TDRD9: variants seen among roughly 807,000 people sequenced by gnomAD.
TDRD9 encodes ATP-dependent RNA helicase TDRD9.
A neutral mutation model predicts 172.6 loss-of-function variants in TDRD9; 124 were observed. The ratio of observed to expected loss-of-function variants is 0.72; its 90% CI spans 0.62 to 0.83. The LOEUF (loss-of-function observed/expected upper bound fraction) is 0.83. Ranked by LOEUF, TDRD9 falls within the 40% of genes least tolerant of loss-of-function variation. The pLI is 0.00. For synonymous variants in TDRD9, 619 were observed against 617.1 expected, an observed-to-expected ratio of 1.00 and a Z score of -0.05; for missense variants, 1,479 against 1,714.1, an observed-to-expected ratio of 0.86 and a Z score of 2.42.
intron 35 of TDRD9, 81 bp from the exon 36 acceptor site, chr14:104,051,900 C>T: frequency 1.2e-6 from 1 of 816,192 alleles, no homozygotes; most frequent in Non-Finnish European, 2.0e-6. Flanking sequence ...TTTGTGCATC[C>T]TGGATGTTAA....
intron 1 of TDRD9, among the ~76,000 whole-genome samples, chr14:103,947,804 C>T (rs1362531008): frequency 6.6e-6 from 1 of 152,124 alleles, no homozygotes; most frequent in Non-Finnish European, 1.5e-5. Flanking sequence ...AACTTCACAT[C>T]GTATGTGGCA....
intron 9 of TDRD9, among the ~76,000 whole-genome samples, chr14:103,993,546 G>C (rs949652033): frequency 6.6e-6 from 1 of 152,148 alleles, no homozygotes; most frequent in African/African-American, 2.4e-5. Flanking sequence ...GTTCAAAATC[G>C]AGTTGTCAGC....
chr14:103,966,523 C>A (rs1431585008), intron 4 of TDRD9, among the ~76,000 whole-genome samples, 186 bp from the exon 5 acceptor site: 2 of 151,960 alleles, frequency 1.3e-5, no homozygotes, highest in Admixed American at 1.3e-4. Flanking sequence ...TGAGCCAACC[C>A]CTGCCGCCCT....
chr14:104,016,190 C>T, intron 22 of TDRD9, 102 bp downstream of exon 22: 1 of 821,720 alleles, frequency 1.2e-6, no homozygotes, highest in Non-Finnish European at 1.9e-6. Flanking sequence ...GAATTTTCCC[C>T]TGGCGTGAAT....
intron 1 of TDRD9, among the ~76,000 whole-genome samples, chr14:103,936,283 G>A (rs542259949): frequency 4.1e-4 from 62 of 152,194 alleles, no homozygotes; most frequent in Non-Finnish European, 4.4e-4. Flanking sequence ...GGAGACATGG[G>A]ATTTCACTAT....
At chr14:103,952,038 G>C (rs1406373305) in intron 1 of TDRD9, among the ~76,000 whole-genome samples, 1 of 150,448 alleles carries the variant, frequency 6.6e-6, no homozygotes, top group Non-Finnish European at 1.5e-5. Flanking sequence ...AAAGTGCTGG[G>C]ATTACCGGCG....
At chr14:104,028,970 G>A (rs2035203575) in intron 28 of TDRD9, among the ~76,000 whole-genome samples, 1 of 152,166 alleles carries the variant, frequency 6.6e-6, no homozygotes, top group Non-Finnish European at 1.5e-5. Context: ...TGGAGCCTTT[G>A]TTGAAAATCA....
At chr14:104,046,889 G>T (rs536755446) in intron 34 of TDRD9, among the ~76,000 whole-genome samples, 3 of 152,076 alleles carry the variant, frequency 2.0e-5, no homozygotes, top group Admixed American at 6.5e-5. Context: ...TTTGTGATCC[G>T]CCCACCTCGG....
chr14:103,993,904 T>C (rs952554214), intron 9 of TDRD9, among the ~76,000 whole-genome samples: 6 of 152,224 alleles, frequency 3.9e-5, no homozygotes, highest in Admixed American at 3.9e-4. Context: ...AAGCACCTGC[T>C]AGCTTAGCTT....
In TDRD9 at chr14:104,035,122, C is replaced by T. The variant is rs2035412197; in HGVS notation, c.3716+66C>T. The T allele has an allele frequency of 2.4e-6, 3 of 1,258,742 alleles. No individual in the cohort carries two copies. The African/African-American group carries it at 4.5e-5, about 19-fold the overall frequency. 78.0% of individuals were successfully genotyped at this position (1,258,742 alleles called of 1,614,324 possible). On this transcript the variant is annotated intron_variant, in intron 32 of 35. Coordinates refer to ENST00000409874, the MANE Select transcript of TDRD9 (RefSeq NM_153046.3). ...AACCTGGGCGGGAAAAAACGGGTGC[C>T]TCTCCTTGCTCCTTTTGGAAAGAAA...
intron 14 of TDRD9, among the ~76,000 whole-genome samples, chr14:104,004,702 T>C (rs1595974732): frequency 6.6e-6 from 1 of 152,118 alleles, no homozygotes; most frequent in Non-Finnish European, 1.5e-5. Context: ...TAATTTCTAG[T>C]GTCATCTAAT....
In TDRD9 at chr14:104,046,839, G is replaced by C. The variant is rs974248025; in HGVS notation, c.3975-2769G>C. On this transcript the variant is annotated intron_variant, in intron 34 of 35. Transcript: ENST00000409874. ...TTTTTTGTATTTTTAGTAGAGACGG[G>C]GTTTCACTGTGTTCGCCAGGATGGT... is the stretch of plus-strand genomic sequence containing the variant. Among the ~76,000 whole-genome samples, 4 of 151,986 alleles carry C rather than the reference G, an allele frequency of 2.6e-5. No homozygotes were observed. The East Asian group carries it at 7.7e-4, about 29-fold the overall frequency.
At chr14:104,039,479 T>C (rs1263432012) in intron 32 of TDRD9, among the ~76,000 whole-genome samples, 2 of 152,218 alleles carry the variant, frequency 1.3e-5, no homozygotes, top group Admixed American at 1.3e-4. Context: ...TGAGACGCCT[T>C]AGGCAAGGGA....
intron 8 of TDRD9, among the ~76,000 whole-genome samples, chr14:103,988,388 G>A (rs1235723922): frequency 6.6e-6 from 1 of 152,110 alleles, no homozygotes; most frequent in Non-Finnish European, 1.5e-5. Context: ...TGGCCAGGAT[G>A]GTCTTGATCT....
intron 1 of TDRD9, among the ~76,000 whole-genome samples, chr14:103,936,603 G>A (rs1454104882): frequency 6.6e-6 from 1 of 152,152 alleles, no homozygotes; most frequent in South Asian, 2.1e-4. Flanking sequence ...GCAAGTGTAC[G>A]ATAAAATATT....
intron 24 of TDRD9, among the ~76,000 whole-genome samples, chr14:104,023,792 T>C (rs891504726): frequency 6.6e-6 from 1 of 152,198 alleles, no homozygotes; most frequent in Admixed American, 6.6e-5. Flanking sequence ...TGTGTGACTT[T>C]TGGTTTCTGA....
chr14:103,965,572 G>T lies in TDRD9; in HGVS notation c.642+18G>T. 1 of 1,517,828 alleles carries T rather than the reference G, an allele frequency of 6.6e-7. No individual in the cohort carries two copies. The highest frequency in any genetic ancestry group is 8.9e-7 in the Non-Finnish European group (1 of 1,118,904). The allele number at this position is 1,517,828 out of a possible 1,614,324, so 94.0% of individuals were successfully genotyped here. On this transcript the variant is annotated intron_variant, in intron 4 of 35. Transcript: ENST00000409874. ...GCTACCAGGTGAGACTGGGAGGGAG[G>T]GAGGGACTAAGAGAGCCAGCTGTCT...
chr14:103,968,266 C>T (rs1370382971), intron 5 of TDRD9, among the ~76,000 whole-genome samples: 2 of 152,250 alleles, frequency 1.3e-5, no homozygotes, highest in East Asian at 3.8e-4. Context: ...CAGCTTCCTG[C>T]TCTGCCTCTG....
chr14:103,986,714 A>G (rs544440664), intron 8 of TDRD9, among the ~76,000 whole-genome samples: 95 of 152,324 alleles, frequency 6.2e-4, no homozygotes, highest in South Asian at 1.9e-3. Flanking sequence ...ACCCTAAGCA[A>G]TCTCCTTCTG....
Sources: allele counts gnomAD v4.1 joint callset (sites outside exome capture counted in the v4.1 genomes callset), GRCh38; gene constraint gnomAD v4.1.1; transcripts MANE v1.5; gene names NCBI Gene and HGNC (gene_info 2026-07-23, HGNC 2026-07-21).